The following CASD1 variants were observed in gnomAD, a reference collection of about 807,000 sequenced individuals.
The protein encoded by CASD1 is N-acetylneuraminate (7)9-O-acetyltransferase.
CASD1 carries 41 observed loss-of-function variants against 100.0 expected under a neutral mutation model. That is an observed-to-expected ratio of 0.41 (90% CI 0.32 to 0.53). The LOEUF is 0.53. Among genes scored for constraint, CASD1 ranks in the 20% least tolerant of loss-of-function variants. CASD1 has a pLI of 0.25. For missense variants in CASD1, 774 were observed against 948.7 expected (o/e 0.82, Z 2.42); for synonymous variants, 321 against 315.6 (o/e 1.02, Z -0.18).
At chr7:94,538,298 A>G (rs552786053) in intron 9 of CASD1, among the ~76,000 whole-genome samples, 3 of 152,292 alleles carry the variant, frequency 2.0e-5, no homozygotes, top group Admixed American at 6.5e-5. Context: ...TTATATTTAT[A>G]TATTTATCAG....
At chr7:94,529,329 T>G (rs1794736543) in intron 5 of CASD1, among the ~76,000 whole-genome samples, 1 of 152,184 alleles carries the variant, frequency 6.6e-6, no homozygotes, top group South Asian at 2.1e-4. Context: ...CAGAAAACCT[T>G]TATAGGCTAT....
the CASD1 span, chr7:94,587,823 C>T: frequency 1.9e-5 from 29 of 1,540,638 alleles, no homozygotes; most frequent in African/African-American, 1.8e-4. Context: ...CTTAAATTCA[C>T]GAAAGCAGTA....
rs1185483997 is a variant in CASD1, at chr7:94,535,372, C to G, written c.692C>G (p.Ala231Gly). 1 of 1,613,406 alleles carries G rather than the reference C, an allele frequency of 6.2e-7. No homozygotes were observed. The highest frequency in any genetic ancestry group is 8.5e-7 in the Non-Finnish European group (1 of 1,179,616). ...RKMITNEKIDAYNEAAVSILN... is the reference protein window; with the variant it reads ...RKMITNEKIDGYNEAAVSILN... ...ATGATCACTAATGAGAAGATAGATGCTTACAATGAAGCTGCAGTCAGTATT... is the reference window on the plus strand; with the variant it reads ...ATGATCACTAATGAGAAGATAGATGGTTACAATGAAGCTGCAGTCAGTATT... The change falls in exon 8 of 18, where the codon GCT (alanine) becomes GGT (glycine). Residue 231 changes from alanine (A) to glycine (G), a missense_variant. This residue lies in a region of CASD1 where 453 missense variants were observed against 532.6 expected (regional missense o/e 0.85). Coordinates refer to ENST00000297273, the MANE Select transcript of CASD1 (RefSeq NM_022900.5).
intron 10 of CASD1, among the ~76,000 whole-genome samples, chr7:94,543,817 T>C (rs1795540939): frequency 6.6e-6 from 1 of 152,186 alleles, no homozygotes; most frequent in Non-Finnish European, 1.5e-5. Flanking sequence ...ATATGTGGAT[T>C]CAAATGTGTT....
In CASD1 at chr7:94,539,032, T is replaced by G. The variant is rs200456911; in HGVS notation, c.1332T>G (p.Ile444Met). The G allele has an allele frequency of 6.2e-7, 1 of 1,603,860 alleles. No homozygotes were observed. The highest frequency in any genetic ancestry group is 8.5e-7 in the Non-Finnish European group (1 of 1,171,266). ...GCTGGATGCAACTTGTGATTTTGAT[T>G]TATCACATTTCTGGAGCAAGTACAG... ...WKGWMQLVILIYHISGASTFL... is the reference protein window; with the variant it reads ...WKGWMQLVILMYHISGASTFL... The change falls in exon 10 of 18, where the codon ATT (isoleucine) becomes ATG (methionine). Residue 444 changes from isoleucine (I) to methionine (M), a missense_variant. Physicochemically the swap from Ile to Met is conservative, Grantham distance 10. Transcript: ENST00000297273.
chr7:94,564,595 C>T, the CASD1 span, among the ~76,000 whole-genome samples: 1 of 152,142 alleles, frequency 6.6e-6, no homozygotes, highest in African/African-American at 2.4e-5. Flanking sequence ...ACTGCAGGGT[C>T]CTGGCTAAAG....
chr7:94,623,450 A>T, the CASD1 span: 1 of 1,112,560 alleles, frequency 9.0e-7, no homozygotes, highest in South Asian at 1.3e-5. Flanking sequence ...TTGTAAAATG[A>T]AATTCATTAA....
chr7:94,544,180 T>C (rs1048087504), intron 10 of CASD1, among the ~76,000 whole-genome samples: 2 of 152,144 alleles, frequency 1.3e-5, no homozygotes, highest in Non-Finnish European at 2.9e-5. Flanking sequence ...AAACTCAAAG[T>C]CATGTAGTTA....
At chr7:94,604,891 C>G in the CASD1 span, among the ~76,000 whole-genome samples, 1 of 120,270 alleles carries the variant, frequency 8.3e-6, no homozygotes, top group African/African-American at 3.1e-5. Flanking sequence ...GCTGGAAAAA[C>G]TGGATATCCA....
Position 94,549,542 on chromosome 7 carries a change from G to T in CASD1, c.1723G>T (p.Glu575Ter), listed in dbSNP as rs1554414728. ...GGATTCCTTTTTTCAGGGTGCATTT[G>T]AGAAGATCTTTTCTCTTTGGCCATT... Reference protein sequence around the residue: ...CFLAYSQGAFEKIFSLWPLSK... With the variant: ...CFLAYSQGAF Residue 575 changes from glutamate to a stop codon, truncating the protein, a stop_gained, in exon 14 of 18, where the codon GAG (glutamate) becomes TAG (stop). Transcript: ENST00000297273. LOFTEE classifies it high-confidence loss of function. 6.2e-7 allele frequency: 1 copy of T among 1,606,986 alleles called. No individual in the cohort carries two copies. Among genetic ancestry groups the T allele is most frequent in the Non-Finnish European group, 8.5e-7 (1 of 1,176,896 alleles).
chr7:94,518,151 C>G (rs930538786), intron 2 of CASD1, 52 bp from the exon 3 acceptor site: 13 of 1,457,632 alleles, frequency 8.9e-6, no homozygotes, highest in Non-Finnish European at 1.2e-5. Context: ...CTTTGAAATG[C>G]CAGGATGGCT....
chr7:94,559,376 T>G (rs929629648), downstream of CASD1, among the ~76,000 whole-genome samples: 3 of 151,788 alleles, frequency 2.0e-5, no homozygotes, highest in Non-Finnish European at 1.5e-5. Context: ...TACGCAGACA[T>G]TTATGTTCAA....
At chr7:94,614,559 C>A in the CASD1 span, among the ~76,000 whole-genome samples, 1 of 152,170 alleles carries the variant, frequency 6.6e-6, no homozygotes, top group African/African-American at 2.4e-5. Context: ...CTTCGGTACT[C>A]GCCCAAGCCC....
At chr7:94,568,951 G>T in the CASD1 span, among the ~76,000 whole-genome samples, 1 of 152,170 alleles carries the variant, frequency 6.6e-6, no homozygotes, top group Non-Finnish European at 1.5e-5. Context: ...AAACTACCCA[G>T]TCTCTGGTAT....
chr7:94,516,609 A>G (rs1396968350), intron 1 of CASD1, among the ~76,000 whole-genome samples: 2 of 152,094 alleles, frequency 1.3e-5, no homozygotes, highest in East Asian at 3.9e-4. Context: ...TAACCTAAAC[A>G]TCTAATTCTG....
the CASD1 span, chr7:94,588,593 G>A: frequency 1.0e-4 from 160 of 1,553,304 alleles, 5 homozygotes; most frequent in South Asian, 1.8e-3. Context: ...GCCTTATTTG[G>A]TGAAGATAAA....
chr7:94,543,149 A>T (rs931943789), intron 10 of CASD1, among the ~76,000 whole-genome samples: 4 of 152,192 alleles, frequency 2.6e-5, no homozygotes, highest in Admixed American at 2.6e-4. Context: ...AGTTTAAGAG[A>T]TAGGGAATCT....
the CASD1 span, among the ~76,000 whole-genome samples, chr7:94,607,705 A>G: frequency 2.6e-4 from 40 of 152,222 alleles, no homozygotes; most frequent in Non-Finnish European, 5.0e-4. Flanking sequence ...AAGTTTTCCT[A>G]CTAGTATCAG....
At chr7:94,579,218 TA>T in the CASD1 span, among the ~76,000 whole-genome samples, 635 of 135,870 alleles carry the variant, frequency 4.7e-3, no homozygotes, top group Middle Eastern at 0.016. Flanking sequence ...TTTTAAATGT[TA>T]AAAAAAAAAA....
Sources: allele counts gnomAD v4.1 joint callset (sites outside exome capture counted in the v4.1 genomes callset), GRCh38; gene constraint gnomAD v4.1.1; regional missense constraint gnomAD v4.1.1; transcripts MANE v1.5; gene names NCBI Gene and HGNC (gene_info 2026-07-23, HGNC 2026-07-21).